Variants in PFKFB3 observed in about 807,000 individuals in gnomAD.
PFKFB3 encodes 6-phosphofructo-2-kinase/fructose-2,6-bisphosphatase 3.
Under a neutral mutation model 68.0 loss-of-function variants are expected in PFKFB3, and 33 were observed. That is an observed-to-expected ratio of 0.49 (90% CI 0.37 to 0.65). The LOEUF (loss-of-function observed/expected upper bound fraction) is 0.65, where lower values mean the gene tolerates loss of function less well. Ranked by LOEUF, PFKFB3 falls within the 30% of genes least tolerant of loss-of-function variation. The pLI is 0.00. For synonymous variants in PFKFB3, 315 were observed against 288.2 expected, an observed-to-expected ratio of 1.09 and a Z score of -0.94; for missense variants, 586 against 712.2, an observed-to-expected ratio of 0.82 and a Z score of 2.02.
At chr10:6,178,835 G>A (rs966373472) in intron 1 of PFKFB3, among the ~76,000 whole-genome samples, 2 of 152,214 alleles carry the variant, frequency 1.3e-5, no homozygotes, top group African/African-American at 4.8e-5. Flanking sequence ...CTGGAGAGTG[G>A]CCTGGCTGAG....
intron 14 of PFKFB3, among the ~76,000 whole-genome samples, chr10:6,243,470 C>T (rs942228534): frequency 2.0e-5 from 3 of 152,144 alleles, no homozygotes; most frequent in African/African-American, 7.2e-5. Context: ...CCCTTTCTTC[C>T]CCCTGGGAAG....
chr10:6,296,222 C>CT, the PFKFB3 span, among the ~76,000 whole-genome samples: 320 of 141,958 alleles, frequency 2.3e-3, 1 homozygote, highest in African/African-American at 7.0e-3. Context: ...CTTTTCTTTT[C>CT]TTTTTTTTTT....
the PFKFB3 span, chr10:6,326,469 T>C: frequency 2.3e-6 from 1 of 436,444 alleles, no homozygotes; most frequent in Non-Finnish European, 4.5e-6. Context: ...AGAATGAACG[T>C]GGTCTATAAT....
chr10:6,223,725 T>G (rs1167908900), intron 11 of PFKFB3, among the ~76,000 whole-genome samples: 1 of 152,220 alleles, frequency 6.6e-6, no homozygotes, highest in Admixed American at 6.5e-5. Context: ...CAAGCGATTC[T>G]CCTGCCTCAG....
At chr10:6,314,610 A>G in the PFKFB3 span, among the ~76,000 whole-genome samples, 2 of 152,164 alleles carry the variant, frequency 1.3e-5, no homozygotes, top group African/African-American at 4.8e-5. Context: ...CTATTATTGG[A>G]CATTTAAGTT....
intron 1 of PFKFB3, among the ~76,000 whole-genome samples, chr10:6,151,322 T>G (rs1841576442): frequency 6.6e-6 from 1 of 150,974 alleles, no homozygotes. Flanking sequence ...AAGCAGCCTT[T>G]CCAGCTGTAG....
At chr10:6,257,350 C>T (rs1441310181), downstream of PFKFB3, among the ~76,000 whole-genome samples, 2 of 152,164 alleles carry the variant, frequency 1.3e-5, no homozygotes, top group Non-Finnish European at 2.9e-5. Context: ...ACTTTTTGAT[C>T]CTAACTCAAC....
the PFKFB3 span, among the ~76,000 whole-genome samples, chr10:6,307,063 A>G: frequency 6.6e-6 from 1 of 152,110 alleles, no homozygotes; most frequent in African/African-American, 2.4e-5. Context: ...AGACCTCACT[A>G]TAATAGAACA....
downstream of PFKFB3, among the ~76,000 whole-genome samples, chr10:6,240,510 C>A (rs145510739): frequency 6.6e-6 from 1 of 152,072 alleles, no homozygotes; most frequent in African/African-American, 2.4e-5. Flanking sequence ...GTGATCCGCC[C>A]GCCTCAGCCT....
chr10:6,203,676 G>C (rs1337049835), intron 1 of PFKFB3, among the ~76,000 whole-genome samples: 1 of 151,762 alleles, frequency 6.6e-6, no homozygotes, highest in Non-Finnish European at 1.5e-5. Context: ...GGCCGTCGCC[G>C]GAGCGCAGCC....
chr10:6,259,777 G>A, the PFKFB3 span, among the ~76,000 whole-genome samples: 3 of 152,220 alleles, frequency 2.0e-5, no homozygotes, highest in African/African-American at 7.2e-5. Flanking sequence ...TTTACCTGCA[G>A]TTTTTGAGAA....
chr10:6,283,982 C>T, the PFKFB3 span, among the ~76,000 whole-genome samples: 4 of 152,118 alleles, frequency 2.6e-5, no homozygotes, highest in Non-Finnish European at 5.9e-5. Flanking sequence ...CCCCAGCTCA[C>T]GGAGACAGAG....
chr10:6,202,982 C>T lies in PFKFB3; in HGVS notation c.-279C>T, dbSNP rs1798724810. ...GCAGGGCCTGGTGGCGAGAGCGCGG[C>T]TGTCACTGCGCCCGAGCATCCCAGA... is the stretch of plus-strand genomic sequence containing the variant. On this transcript the variant is annotated 5_prime_UTR_variant, in exon 1 of 15. Coordinates refer to ENST00000379775, the MANE Select transcript of PFKFB3 (RefSeq NM_004566.4). 2.3e-6 allele frequency: 3 copies of T among 1,307,080 alleles called. No homozygotes were observed. Among genetic ancestry groups the T allele is most frequent in the Admixed American group, 4.0e-5 (1 of 24,770 alleles). 81.0% of individuals were successfully genotyped at this position (1,307,080 alleles called of 1,614,324 possible).
chr10:6,297,572 A>T, the PFKFB3 span, among the ~76,000 whole-genome samples: 1 of 151,778 alleles, frequency 6.6e-6, no homozygotes, highest in Admixed American at 6.6e-5. Context: ...GCACCGTTGG[A>T]GGGAAGCAAG....
At chr10:6,170,671 G>GTGGAGGTGAGGACAGTA (rs1399778320) in intron 1 of PFKFB3, among the ~76,000 whole-genome samples, 1 of 152,070 alleles carries the variant, frequency 6.6e-6, no homozygotes. Context: ...TGGGGACAGT[G>GTGGAGGTGAGGACAGTA]TGGAGGTGAG....
At chr10:6,275,947 C>CAG in the PFKFB3 span, among the ~76,000 whole-genome samples, 1 of 152,168 alleles carries the variant, frequency 6.6e-6, no homozygotes, top group Non-Finnish European at 1.5e-5. This position sits in a 1 kb window ranked among gnomAD's most constrained non-coding sequence, Gnocchi z 4.9. Flanking sequence ...AGGCTTTCTT[C>CAG]ATGCTGGAGT....
intron 13 of PFKFB3, chr10:6,225,335 C>G: frequency 2.5e-6 from 1 of 403,620 alleles, no homozygotes. Flanking sequence ...AGTTGCCTGG[C>G]TGGTGGGCTG....
rs1015190549 is a variant in PFKFB3 at position 6,228,101 on chromosome 10, T to C, written c.1515+1736T>C. ...CCAGGTTCTTAGGGACGTCTGAAGC[T>C]GCTGGCTGGGCCGGCGTGGGGTTTT... On this transcript the variant is annotated intron_variant, in intron 14 of 14. Coordinates refer to ENST00000379775, the MANE Select transcript of PFKFB3 (RefSeq NM_004566.4). This position sits in a 1 kb window ranked among gnomAD's most constrained non-coding sequence, Gnocchi z 4.5. 4.3e-6 allele frequency: 6 copies of C among 1,384,864 alleles called. No individual in the cohort carries two copies. The highest frequency in any genetic ancestry group is 6.2e-6 in the Non-Finnish European group (6 of 975,330). 85.8% of individuals were successfully genotyped at this position (1,384,864 alleles called of 1,614,324 possible).
intron 1 of PFKFB3, among the ~76,000 whole-genome samples, chr10:6,195,123 C>T (rs1043278059): frequency 3.3e-5 from 5 of 152,142 alleles, no homozygotes; most frequent in Non-Finnish European, 7.4e-5. Flanking sequence ...CTGCCTGCCT[C>T]AGCCTCCCAA....
Sources: allele counts gnomAD v4.1 joint callset (sites outside exome capture counted in the v4.1 genomes callset), GRCh38; gene constraint gnomAD v4.1.1; non-coding constraint Gnocchi (gnomAD v3.1); transcripts MANE v1.5; gene names NCBI Gene and HGNC (gene_info 2026-07-23, HGNC 2026-07-21).